CBLN4: variants seen among roughly 807,000 people sequenced by gnomAD.
CBLN4 encodes the protein cerebellin 4 precursor.
In CBLN4, 7 loss-of-function variants were observed where a neutral mutation model predicts 14.9. That is an observed-to-expected ratio of 0.47 (90% CI 0.27 to 0.88). The LOEUF (loss-of-function observed/expected upper bound fraction) is 0.88, where lower values mean the gene tolerates loss of function less well. Among genes scored for constraint, CBLN4 ranks in the 40% least tolerant of loss-of-function variants. CBLN4 has a pLI of 0.14. For synonymous variants in CBLN4, 131 were observed against 116.5 expected (o/e 1.12, Z -0.80); for missense variants, 188 against 256.8 (o/e 0.73, Z 1.83).
At chr20:56,003,048 G>T (rs879923744) in intron 1 of CBLN4, among the ~76,000 whole-genome samples, 3 of 152,202 alleles carry the variant, frequency 2.0e-5, no homozygotes, top group Non-Finnish European at 2.9e-5. Context: ...CGGAGCACCA[G>T]GTCGCTAAAC....
intron 2 of CBLN4, among the ~76,000 whole-genome samples, chr20:56,000,061 T>C (rs1568831460): frequency 6.6e-6 from 1 of 152,252 alleles, no homozygotes; most frequent in Non-Finnish European, 1.5e-5. Flanking sequence ...ATTTGTGTCA[T>C]TTAGTATTAG....
At position 56,003,965 on chromosome 20, in the gene CBLN4, G is replaced by A; in HGVS notation, c.207C>T (p.Ser69=). The A allele has an allele frequency of 1.2e-6, 2 of 1,614,040 alleles. No individual in the cohort carries two copies. Among genetic ancestry groups the A allele is most frequent in the Non-Finnish European group, 1.7e-6 (2 of 1,180,020 alleles). ...TCCGCACCGCCGAGAAGGCGACCTT[G>A]GAGTTGGCCGCCCGGACCGATATCC... ...PLGISVRAAN[S]KVAFSAVRST... Residue 69 remains serine, a synonymous_variant, in exon 1 of 3, where the codon TCC becomes TCT. Coordinates refer to ENST00000064571, the MANE Select transcript of CBLN4 (RefSeq NM_080617.6).
rs1273055966 is a variant in CBLN4 at position 55,998,141 on chromosome 20, A to G, written c.*416T>C. 1.1e-5 allele frequency: 2 copies of G among 180,536 alleles called. No individual in the cohort carries two copies. The highest frequency in any genetic ancestry group is 4.8e-5 in the African/African-American group (2 of 42,006). 11.2% of individuals were successfully genotyped at this position (180,536 alleles called of 1,614,324 possible). ...TATAATCAATATATTAACACAGTAT[A>G]CAGTTCTTTGGCAGTATCACACTAA... On this transcript the variant is annotated 3_prime_UTR_variant, in exon 3 of 3. Transcript: ENST00000064571.
chr20:56,000,696 T>G, intron 2 of CBLN4, 35 bp downstream of exon 2: 1 of 1,096,788 alleles, frequency 9.1e-7, no homozygotes, highest in Non-Finnish European at 1.3e-6. Context: ...GCACAGTTGG[T>G]TGAGAGTATG....
rs1032667722 is a variant in CBLN4 at position 56,005,392 on chromosome 20, C to T, written c.-1221G>A. On this transcript the variant is annotated 5_prime_UTR_variant, in exon 1 of 3. Transcript: ENST00000064571. ...GGCCGGGTCGCGAAAAAGGATAAGC[C>T]GCCGCGGACCCGCGCTGCGCGCTGC... 6.6e-6 allele frequency: 1 copy of T among 152,258 alleles called. No homozygotes were observed. The highest frequency in any genetic ancestry group is 1.5e-5 in the Non-Finnish European group (1 of 68,094). The allele number at this position is 152,258 out of a possible 1,614,324, so 9.4% of individuals were successfully genotyped here.
rs2145960771 is a variant in CBLN4 at position 56,004,242 on chromosome 20, C to T, written c.-71G>A. The T allele has an allele frequency of 7.4e-7, 1 of 1,350,382 alleles. No individual in the cohort carries two copies. 83.6% of individuals were successfully genotyped at this position (1,350,382 alleles called of 1,614,324 possible). ...CCGCGTCGCCTCCTACCCCGGGATCCCGGTGCTCGGGAAGATGCTAGCGGC... is the reference window on the plus strand; with the variant it reads ...CCGCGTCGCCTCCTACCCCGGGATCTCGGTGCTCGGGAAGATGCTAGCGGC... On this transcript the variant is annotated 5_prime_UTR_variant, in exon 1 of 3. Coordinates refer to ENST00000064571, the MANE Select transcript of CBLN4 (RefSeq NM_080617.6). The surrounding 1 kb of genome is among the most constrained non-coding windows in gnomAD (Gnocchi z 6.1).
rs142737160 is a variant in CBLN4, at chr20:55,999,275, G to A, written c.409-521C>T. ...GAAGTTTGTGTATATATGTGTCTGT[G>A]TGTGTTTATTTCTTTTTCTATTTTC... On this transcript the variant is annotated intron_variant, in intron 2 of 2. Transcript: ENST00000064571. Among the ~76,000 whole-genome samples the A allele has an allele frequency of 2.2e-3, 339 of 152,260 alleles. 1 individual carries two copies. Among genetic ancestry groups the A allele is most frequent in the African/African-American group, 8.0e-3 (332 of 41,550 alleles).
In CBLN4 at chr20:56,000,858, AAAT is replaced by A; in HGVS notation, c.292-14_292-12del. 7.3e-7 allele frequency: 1 copy of A among 1,362,000 alleles called. No homozygotes were observed. The highest frequency in any genetic ancestry group is 1.0e-6 in the Non-Finnish European group (1 of 992,018). The allele number at this position is 1,362,000 out of a possible 1,614,324, so 84.4% of individuals were successfully genotyped here. On this transcript the variant is annotated splice_polypyrimidine_tract_variant and intron_variant, in intron 1 of 2. Coordinates refer to ENST00000064571, the MANE Select transcript of CBLN4 (RefSeq NM_080617.6). ...CACATTCACCAGGATCTACAAATAAAAATAATAAATAACAATAAGTTATTATAT... is the reference window on the plus strand; with the variant it reads ...CACATTCACCAGGATCTACAAATAAAAATAAATAACAATAAGTTATTATAT...
At chr20:55,999,999 C>A (rs1257148095) in intron 2 of CBLN4, among the ~76,000 whole-genome samples, 1 of 152,172 alleles carries the variant, frequency 6.6e-6, no homozygotes, top group East Asian at 1.9e-4. Context: ...TAATGTATAA[C>A]ATAAATACTG....
intron 1 of CBLN4, among the ~76,000 whole-genome samples, chr20:56,001,459 C>T (rs1188272306): frequency 6.6e-6 from 1 of 152,168 alleles, no homozygotes; most frequent in Non-Finnish European, 1.5e-5. Context: ...ATCTGAATGC[C>T]TGGCCCTTCT....
intron 1 of CBLN4, 26 bp from the exon 2 acceptor site, chr20:56,000,873 A>G (rs369405395): frequency 2.9e-5 from 34 of 1,165,168 alleles, no homozygotes; most frequent in Admixed American, 2.6e-4. Flanking sequence ...ATAAATAACA[A>G]TAAGTTATTA....
rs112345807 is a variant in CBLN4 at position 56,000,791 on chromosome 20, T to C, written c.348A>G (p.Arg116=). 384 of 1,603,656 alleles carry C rather than the reference T, an allele frequency of 2.4e-4. 3 individuals carry two copies. The African/African-American group carries it at 2.9e-3, about 12-fold the overall frequency. The change falls in exon 2 of 3, where the codon AGA becomes AGG. Residue 116 remains arginine (R), a synonymous_variant. Coordinates refer to ENST00000064571, the MANE Select transcript of CBLN4 (RefSeq NM_080617.6). ...GAAAACTGAAACTGTAAATTCCTTT[T>C]CTTGGTGCTACAAAGACAGACTCCA... The part of the protein sequence containing the change: ...FTLESVFVAP[R]KGIYSFSFHV...
chr20:56,004,070 G>T lies in CBLN4; in HGVS notation c.102C>A (p.Ile34=). Residue 34 remains isoleucine, a synonymous_variant, in exon 1 of 3, where the codon ATC becomes ATA. Coordinates refer to ENST00000064571, the MANE Select transcript of CBLN4 (RefSeq NM_080617.6). This position sits in a 1 kb window ranked among gnomAD's most constrained non-coding sequence, Gnocchi z 6.1. ...CCACCAGACACTTGCCCTCCAGCAC[G>T]ATGGGCTCCGTGTCGTTCTGTGCCC... ...PVWAQNDTEP[I]VLEGKCLVVC... is the part of the protein sequence containing the mutation. 6.2e-7 allele frequency: 1 copy of T among 1,613,554 alleles called. No homozygotes were observed. The highest frequency in any genetic ancestry group is 8.5e-7 in the Non-Finnish European group (1 of 1,179,898).
At chr20:56,000,899 C>G in intron 1 of CBLN4, 52 bp from the exon 2 acceptor site, 2 of 950,718 alleles carry the variant, frequency 2.1e-6, no homozygotes, top group Non-Finnish European at 2.9e-6. Context: ...TCTTCTGTAA[C>G]TAAAATGAAT....
intron 1 of CBLN4, among the ~76,000 whole-genome samples, chr20:56,002,129 T>C (rs1000251847): frequency 2.0e-5 from 3 of 152,328 alleles, no homozygotes; most frequent in African/African-American, 7.2e-5. Flanking sequence ...GTCAAGCAGA[T>C]GTATCAGGCT....
At position 56,000,764 on chromosome 20, in the gene CBLN4, G is replaced by A. The variant is rs767557041; in HGVS notation, c.375C>T (p.His125=). 13 of 1,599,904 alleles carry A rather than the reference G, an allele frequency of 8.1e-6. No homozygotes were observed. The highest frequency in any genetic ancestry group is 6.7e-5 in the African/African-American group (5 of 74,328). ...TTTGGCTCTGGTAGACTTTAATCAC[G>A]TGAAAACTGAAACTGTAAATTCCTT... ...PRKGIYSFSF[H]VIKVYQSQTI... is the part of the protein sequence containing the mutation. Residue 125 remains histidine (H), a synonymous_variant, in exon 2 of 3, where the codon CAC becomes CAT. Coordinates refer to ENST00000064571, the MANE Select transcript of CBLN4 (RefSeq NM_080617.6).
rs759377785 is a variant in CBLN4 at position 56,000,763 on chromosome 20, C to T, written c.376G>A (p.Val126Met). 4.4e-6 allele frequency: 7 copies of T among 1,599,648 alleles called. No homozygotes were observed. Among genetic ancestry groups the T allele is most frequent in the African/African-American group, 2.7e-5 (2 of 74,284 alleles). Residue 126 changes from valine to methionine, a missense_variant, in exon 2 of 3, where the codon GTG becomes ATG. Physicochemically the swap from Val to Met is conservative, Grantham distance 21 (BLOSUM62 1). Around this residue, in one of 2 missense-constraint regions of CBLN4, gnomAD observed 93 missense variants for 157.7 expected, o/e 0.59. Coordinates refer to ENST00000064571, the MANE Select transcript of CBLN4 (RefSeq NM_080617.6). ...RKGIYSFSFHVIKVYQSQTIQ... is the reference protein window; with the variant it reads ...RKGIYSFSFHMIKVYQSQTIQ... ...GTTTGGCTCTGGTAGACTTTAATCACGTGAAAACTGAAACTGTAAATTCCT... is the reference window on the plus strand; with the variant it reads ...GTTTGGCTCTGGTAGACTTTAATCATGTGAAAACTGAAACTGTAAATTCCT...
Position 56,004,293 on chromosome 20 carries a change from C to T in CBLN4, c.-122G>A. On this transcript the variant is annotated 5_prime_UTR_variant, in exon 1 of 3. Transcript: ENST00000064571. The surrounding 1 kb of genome is among the most constrained non-coding windows in gnomAD (Gnocchi z 6.1). ...TAGGTCGACAGCGCTGCAGGAGCGA[C>T]GGCGGCGGCGGCGCGCACACTTCCA... 1 of 946,216 alleles carries T rather than the reference C, an allele frequency of 1.1e-6. No homozygotes were observed. Among genetic ancestry groups the T allele is most frequent in the South Asian group, 2.2e-5 (1 of 44,876 alleles). 58.6% of individuals were successfully genotyped at this position (946,216 alleles called of 1,614,324 possible). A position where few individuals can be genotyped will look rare whatever the true frequency, so the allele number is the denominator to read the frequency against.
intron 1 of CBLN4, 99 bp downstream of exon 1, chr20:56,003,782 A>G (rs1455641017): frequency 7.0e-6 from 9 of 1,281,086 alleles, no homozygotes. Context: ...ATGATTCCCC[A>G]TTTCCCAATC....
Sources: gnomAD v4.1 joint callset for allele counts (sites outside exome capture counted in the v4.1 genomes callset) on GRCh38, gnomAD v4.1.1 for gene constraint, gnomAD v4.1.1 regional missense constraint, Gnocchi (gnomAD v3.1) non-coding constraint, MANE v1.5 for transcripts, NCBI Gene and HGNC (gene_info 2026-07-23, HGNC 2026-07-21) for gene names.